The following CRADD variants were observed in gnomAD, a reference collection of about 807,000 sequenced individuals.
The protein encoded by CRADD is CARD and death domain containing adaptor protein.
In CRADD, 9 loss-of-function variants were observed where a neutral mutation model predicts 15.5. The ratio of observed to expected loss-of-function variants is 0.58; its 90% CI spans 0.35 to 1.01. The LOEUF (loss-of-function observed/expected upper bound fraction) is 1.01. Among genes scored for constraint, CRADD ranks in the 50% least tolerant of loss-of-function variants. CRADD has a pLI of 0.02. For synonymous variants in CRADD, 118 were observed against 107.6 expected, an observed-to-expected ratio of 1.10 and a Z score of -0.60; for missense variants, 227 against 250.3, an observed-to-expected ratio of 0.91 and a Z score of 0.63.
chr12:93,707,061 T>C (rs1955966659), intron 2 of CRADD, among the ~76,000 whole-genome samples: 1 of 152,172 alleles, frequency 6.6e-6, no homozygotes, highest in Non-Finnish European at 1.5e-5. Flanking sequence ...GTATGATTGA[T>C]TCAGGATACC....
At chr12:93,841,919 A>G (rs945489860) in intron 2 of CRADD, among the ~76,000 whole-genome samples, 1 of 152,114 alleles carries the variant, frequency 6.6e-6, no homozygotes. Context: ...GGTGACTGGT[A>G]TATTACCAGA....
chr12:93,871,337 C>T (rs568718805), intron 2 of CRADD, among the ~76,000 whole-genome samples: 3 of 152,172 alleles, frequency 2.0e-5, no homozygotes, highest in Non-Finnish European at 2.9e-5. Context: ...TTTGTGGGTA[C>T]ATAGTAGGTA....
intron 2 of CRADD, among the ~76,000 whole-genome samples, chr12:93,863,718 C>A (rs1465605226): frequency 6.6e-6 from 1 of 150,598 alleles, no homozygotes; most frequent in African/African-American, 2.4e-5. Context: ...TGGGGATAAT[C>A]CTACAGAATG....
chr12:93,767,654 A>G (rs1327782679), intron 2 of CRADD, among the ~76,000 whole-genome samples: 1 of 152,188 alleles, frequency 6.6e-6, no homozygotes, highest in Non-Finnish European at 1.5e-5. Flanking sequence ...CACCTAGTAA[A>G]TGGCAGAGCT....
chr12:93,722,819 C>T (rs886887279), intron 2 of CRADD, among the ~76,000 whole-genome samples: 6 of 152,254 alleles, frequency 3.9e-5, no homozygotes, highest in Non-Finnish European at 7.4e-5. Context: ...ATGTCTGTTT[C>T]TGATGCTTGG....
intron 2 of CRADD, among the ~76,000 whole-genome samples, chr12:93,780,021 G>A (rs1235963580): frequency 6.6e-6 from 1 of 152,200 alleles, no homozygotes; most frequent in Non-Finnish European, 1.5e-5. Flanking sequence ...GAAAATATCT[G>A]CAAAGCACAA....
chr12:93,714,389 CT>C (rs1956126018), intron 2 of CRADD: 1 of 152,174 alleles, frequency 6.6e-6, no homozygotes, highest in Admixed American at 6.5e-5. Context: ...TTCCTTTAAA[CT>C]TTCACATGAG....
chr12:93,890,186 A>T (rs1958566769), intron 2 of CRADD, among the ~76,000 whole-genome samples: 1 of 152,204 alleles, frequency 6.6e-6, no homozygotes, highest in Non-Finnish European at 1.5e-5. Context: ...TATTTTGGAT[A>T]GGTTATTTAA....
intron 2 of CRADD, among the ~76,000 whole-genome samples, chr12:93,833,024 G>C (rs899288025): frequency 6.6e-6 from 1 of 152,184 alleles, no homozygotes; most frequent in African/African-American, 2.4e-5. Flanking sequence ...CTGAATTTGT[G>C]ATTTAGAAAT....
intron 2 of CRADD, among the ~76,000 whole-genome samples, chr12:93,772,215 T>A (rs552873956): frequency 6.6e-5 from 10 of 152,332 alleles, no homozygotes; most frequent in African/African-American, 2.2e-4. Flanking sequence ...GGGCATTAGG[T>A]TTCTGTCTCC....
At chr12:93,872,226 A>G (rs1958426807) in intron 2 of CRADD, among the ~76,000 whole-genome samples, 1 of 152,138 alleles carries the variant, frequency 6.6e-6, no homozygotes, top group Admixed American at 6.5e-5. Context: ...AGAAATGTCT[A>G]TTCAAGTCTT....
intron 2 of CRADD, among the ~76,000 whole-genome samples, chr12:93,757,477 C>A (rs1219146962): frequency 6.6e-6 from 1 of 152,100 alleles, no homozygotes; most frequent in Non-Finnish European, 1.5e-5. Context: ...TTTGTGATAC[C>A]CACAAGCCTC....
intron 2 of CRADD, among the ~76,000 whole-genome samples, chr12:93,715,921 C>T (rs1478660717): frequency 1.3e-5 from 2 of 152,110 alleles, no homozygotes; most frequent in East Asian, 1.9e-4. Context: ...GCGGGGGGAT[C>T]GCTTGAGGTC....
intron 2 of CRADD, among the ~76,000 whole-genome samples, chr12:93,838,275 T>C (rs1227169158): frequency 6.6e-6 from 1 of 151,202 alleles, no homozygotes; most frequent in Non-Finnish European, 1.5e-5. Context: ...GGGATTTTTC[T>C]GCAGAGCCTT....
chr12:93,746,046 G>T (rs1592955334), intron 2 of CRADD, among the ~76,000 whole-genome samples: 1 of 152,166 alleles, frequency 6.6e-6, no homozygotes, highest in Non-Finnish European at 1.5e-5. Context: ...GATGAATAGG[G>T]TTAGGGCAAA....
At chr12:93,726,324 G>A (rs781623328) in intron 2 of CRADD, among the ~76,000 whole-genome samples, 2 of 152,040 alleles carry the variant, frequency 1.3e-5, no homozygotes, top group Non-Finnish European at 1.5e-5. Flanking sequence ...GGCTGGCCTC[G>A]AACTCCTGAC....
chr12:93,730,779 A>G (rs375531345), intron 2 of CRADD, among the ~76,000 whole-genome samples: 11 of 151,002 alleles, frequency 7.3e-5, no homozygotes, highest in African/African-American at 2.7e-4. Flanking sequence ...GCAGTGGCAC[A>G]ATCTCGGCTC....
At position 93,718,803 on chromosome 12, in the gene CRADD, A is replaced by G. The variant is rs545524015; in HGVS notation, c.298+39731A>G. On this transcript the variant is annotated intron_variant, in intron 2 of 2. Coordinates refer to ENST00000332896, the MANE Select transcript of CRADD (RefSeq NM_003805.5). ...GAGACACGGTCTGGCTCTGTCACCC[A>G]GGCTGGAGTGCAGTGGTGTGAACAT... Among the ~76,000 whole-genome samples, 4 of 151,246 alleles carry G rather than the reference A, an allele frequency of 2.6e-5. No individual in the cohort carries two copies. The South Asian group carries it at 8.3e-4, about 32-fold the overall frequency.
chr12:93,771,216 C>G (rs1253699504), intron 2 of CRADD, among the ~76,000 whole-genome samples: 4 of 152,148 alleles, frequency 2.6e-5, no homozygotes, highest in Admixed American at 1.3e-4. Flanking sequence ...GGAATTGACT[C>G]CTGAAACTGG....
Sources: gnomAD v4.1 joint callset for allele counts (sites outside exome capture counted in the v4.1 genomes callset) on GRCh38, gnomAD v4.1.1 for gene constraint, MANE v1.5 for transcripts, NCBI Gene and HGNC (gene_info 2026-07-23, HGNC 2026-07-21) for gene names.